The following GPSM1 variants were observed in gnomAD, a reference collection of about 807,000 sequenced individuals.
The protein encoded by GPSM1 is G protein signaling modulator 1, also known as G protein-signaling modulator 1.
In GPSM1, 48 loss-of-function variants were observed where a neutral mutation model predicts 70.5. The ratio of observed to expected loss-of-function variants is 0.68; its 90% CI spans 0.54 to 0.87. The LOEUF is 0.87. Among genes scored for constraint, GPSM1 ranks in the 40% least tolerant of loss-of-function variants. The probability of loss-of-function intolerance (pLI) is 0.00; values close to 1 mark genes in which losing one functional copy is unlikely to be tolerated. For synonymous variants in GPSM1, 416 were observed against 430.1 expected, an observed-to-expected ratio of 0.97 and a Z score of 0.41; for missense variants, 981 against 972.6, an observed-to-expected ratio of 1.01 and a Z score of -0.11.
At chr9:136,345,627 C>T (rs147765623) in intron 9 of GPSM1, among the ~76,000 whole-genome samples, 2 of 152,162 alleles carry the variant, frequency 1.3e-5, no homozygotes, top group African/African-American at 4.8e-5. Context: ...CCGGAGGATG[C>T]GGTGGGGAAA....
At chr9:136,354,539 C>T (rs990427551) in intron 11 of GPSM1, among the ~76,000 whole-genome samples, 24 of 152,250 alleles carry the variant, frequency 1.6e-4, no homozygotes, top group African/African-American at 3.9e-4. Context: ...GGCCACCAGC[C>T]GTGAGATGGA....
At chr9:136,330,637 C>A (rs1832078241) in intron 1 of GPSM1, among the ~76,000 whole-genome samples, 1 of 152,178 alleles carries the variant, frequency 6.6e-6, no homozygotes, top group South Asian at 2.1e-4. Flanking sequence ...GCAGATAGAG[C>A]CAGCTGTGAG....
At chr9:136,328,279 T>C (rs1255797733) in intron 1 of GPSM1, among the ~76,000 whole-genome samples, 4 of 152,212 alleles carry the variant, frequency 2.6e-5, no homozygotes, top group African/African-American at 9.6e-5. Context: ...GTGACTGGGC[T>C]CTGTGCCCCA....
In GPSM1 at chr9:136,344,154, G is replaced by A. The variant is rs1261235769; in HGVS notation, c.1207+3161G>A. ...AGGTGCGGACAGGAACGGGGGAGGT[G>A]CGGACAGGATCGGGGGGAGGCGCGG... On this transcript the variant is annotated intron_variant, in intron 9 of 13. Coordinates refer to ENST00000440944, the MANE Select transcript of GPSM1 (RefSeq NM_001145638.3). Among the ~76,000 whole-genome samples, 5 of 148,140 alleles carry A rather than the reference G, an allele frequency of 3.4e-5. No individual in the cohort carries two copies. The East Asian group carries it at 1.0e-3, about 30-fold the overall frequency.
rs138559283 is a variant in GPSM1 at position 136,332,617 on chromosome 9, G to A, written c.69-1830G>A. On this transcript the variant is annotated intron_variant, in intron 1 of 13. Coordinates refer to ENST00000440944, the MANE Select transcript of GPSM1 (RefSeq NM_001145638.3). Reference sequence around the variant, plus strand: ...GGGCCTTAATCAGGAAGCCCCGTGCGTGGCGCTGGCTGCAGGATGGGGCTT... The same window carrying A: ...GGGCCTTAATCAGGAAGCCCCGTGCATGGCGCTGGCTGCAGGATGGGGCTT... Among the ~76,000 whole-genome samples the A allele has an allele frequency of 5.1e-3, 770 of 152,298 alleles. 4 individuals carry two copies. The highest frequency in any genetic ancestry group is 0.017 in the African/African-American group (713 of 41,560).
At chr9:136,334,322 G>C (rs572870179) in intron 1 of GPSM1, 125 bp from the exon 2 acceptor site, 2 of 668,954 alleles carry the variant, frequency 3.0e-6, no homozygotes, top group Non-Finnish European at 5.1e-6. Flanking sequence ...TTAGGTCTGT[G>C]AGCACAGATG....
At position 136,350,183 on chromosome 9, in the gene GPSM1, A is replaced by C. The variant is rs537467778; in HGVS notation, c.1455+420A>C. Among the ~76,000 whole-genome samples the C allele has an allele frequency of 2.0e-5, 3 of 152,318 alleles. No individual in the cohort carries two copies. The East Asian group carries it at 5.8e-4, about 29-fold the overall frequency. On this transcript the variant is annotated intron_variant, in intron 11 of 13. Coordinates refer to ENST00000440944, the MANE Select transcript of GPSM1 (RefSeq NM_001145638.3). ...TCCAGACCCATCCGCTAGTCACAGGAGCGTGTCCCTGAAAGGAACTGGCTG... is the reference window on the plus strand; with the variant it reads ...TCCAGACCCATCCGCTAGTCACAGGCGCGTGTCCCTGAAAGGAACTGGCTG...
intron 1 of GPSM1, chr9:136,332,206 G>A (rs1431633907): frequency 1.0e-5 from 4 of 399,034 alleles, no homozygotes; most frequent in Admixed American, 4.4e-5. Context: ...TCACGTGGGT[G>A]TGGGTGCCAG....
At chr9:136,338,777 C>T (rs957234787) in intron 7 of GPSM1, 67 bp downstream of exon 7, 8 of 1,455,374 alleles carry the variant, frequency 5.5e-6, no homozygotes, top group Admixed American at 2.1e-5. Context: ...GCGGCCCAGG[C>T]GAGGTGGCCT....
At chr9:136,356,270 C>T in intron 12 of GPSM1, 72 bp from the exon 13 acceptor site, 3 of 1,188,118 alleles carry the variant, frequency 2.5e-6, no homozygotes, top group Non-Finnish European at 3.5e-6. Context: ...TCAGAGCTCA[C>T]TGTGGCCGCA....
At position 136,358,903 on chromosome 9, in the gene GPSM1, T is replaced by C. The variant is rs1478786219; in HGVS notation, c.*683T>C. Reference sequence around the variant, plus strand: ...CAGAGGGAATGGCTGGGCATGAACTTCGACATTCCAAAACCCCAAGCCAGG... The same window carrying C: ...CAGAGGGAATGGCTGGGCATGAACTCCGACATTCCAAAACCCCAAGCCAGG... On this transcript the variant is annotated 3_prime_UTR_variant, in exon 14 of 14. Coordinates refer to ENST00000440944, the MANE Select transcript of GPSM1 (RefSeq NM_001145638.3). The C allele has an allele frequency of 6.6e-6, 1 of 152,394 alleles. No homozygotes were observed. The highest frequency in any genetic ancestry group is 6.5e-5 in the Admixed American group (1 of 15,286). 9.4% of individuals were successfully genotyped at this position (152,394 alleles called of 1,614,324 possible).
chr9:136,355,693 A>G lies in GPSM1; in HGVS notation c.1459A>G (p.Ile487Val). The G allele has an allele frequency of 6.2e-7, 1 of 1,611,958 alleles. No individual in the cohort carries two copies. Among genetic ancestry groups the G allele is most frequent in the Non-Finnish European group, 8.5e-7 (1 of 1,179,356 alleles). The part of the protein sequence containing the change: ...DVRVHVPRTS[I>V]PRAPSSDEEC... ...GGTGACCCCACTCCCTCCCCAGAGC[A>G]TCCCGAGGGCCCCGTCTTCGGACGA... Residue 487 changes from isoleucine (I) to valine (V), a missense_variant, in exon 12 of 14, where the codon ATC (isoleucine) becomes GTC (valine). Ile to Val is a conservative substitution (Grantham distance 29). Transcript: ENST00000440944.
Position 136,340,855 on chromosome 9 carries a change from C to T in GPSM1, c.1084-15C>T. The T allele has an allele frequency of 6.4e-7, 1 of 1,559,018 alleles. No individual in the cohort carries two copies. The highest frequency in any genetic ancestry group is 8.7e-7 in the Non-Finnish European group (1 of 1,155,238). Reference sequence around the variant, plus strand: ...CCAGCCACACCTGCCCGCTCCGCCACCCCACTCGCCGCAGATCGGGGACCG... The same window carrying T: ...CCAGCCACACCTGCCCGCTCCGCCATCCCACTCGCCGCAGATCGGGGACCG... On this transcript the variant is annotated splice_polypyrimidine_tract_variant and intron_variant, in intron 8 of 13. Transcript: ENST00000440944. This position sits in a 1 kb window ranked among gnomAD's most constrained non-coding sequence, Gnocchi z 7.3.
chr9:136,347,275 C>CA (rs1439887255), intron 9 of GPSM1, among the ~76,000 whole-genome samples: 3 of 152,180 alleles, frequency 2.0e-5, no homozygotes, highest in African/African-American at 7.2e-5. Context: ...ACTGGATTCT[C>CA]AGAGTGCCCA....
chr9:136,341,279 C>T lies in GPSM1; in HGVS notation c.1207+286C>T, dbSNP rs575561125. 2.7e-6 allele frequency: 4 copies of T among 1,469,820 alleles called. No individual in the cohort carries two copies. In the African/African-American group the frequency reaches 4.3e-5, roughly 16 times the overall value. The allele number at this position is 1,469,820 out of a possible 1,614,324, so 91.0% of individuals were successfully genotyped here. A position where few individuals can be genotyped will look rare whatever the true frequency, so the allele number is the denominator to read the frequency against. ...TGCTCCAGGGCCTCCACCCCCACCT[C>T]CCCCTGGAGCCCTCGGTGCAGGGAG... On this transcript the variant is annotated intron_variant, in intron 9 of 13. Transcript: ENST00000440944. The surrounding 1 kb of genome is among the most constrained non-coding windows in gnomAD (Gnocchi z 6.7).
chr9:136,338,518 C>T, intron 6 of GPSM1, 37 bp from the exon 7 acceptor site: 4 of 1,583,712 alleles, frequency 2.5e-6, no homozygotes, highest in Non-Finnish European at 3.4e-6. Context: ...CACCCTGGAG[C>T]CCTCCTCCTG....
chr9:136,355,829 C>A lies in GPSM1; in HGVS notation c.1595C>A (p.Thr532Asn), dbSNP rs139070555. ...GCTGCCGAGGCCACGGCCGCCCCCACCCTGGAGGACAGGATCGGTGAGTGC... is the reference window on the plus strand; with the variant it reads ...GCTGCCGAGGCCACGGCCGCCCCCAACCTGGAGGACAGGATCGGTGAGTGC... Reference protein sequence around the residue: ...AGAAEATAAPTLEDRIAQPSM... With the variant: ...AGAAEATAAPNLEDRIAQPSM... The change falls in exon 12 of 14, where the codon ACC becomes AAC. Residue 532 changes from threonine (T) to asparagine (N), a missense_variant. Coordinates refer to ENST00000440944, the MANE Select transcript of GPSM1 (RefSeq NM_001145638.3). 2.5e-6 allele frequency: 4 copies of A among 1,609,792 alleles called. No individual in the cohort carries two copies. In the African/African-American group the frequency reaches 4.0e-5, roughly 16 times the overall value.
chr9:136,356,809 AC>A (rs1464522929), intron 13 of GPSM1, among the ~76,000 whole-genome samples: 2 of 151,866 alleles, frequency 1.3e-5, no homozygotes, highest in African/African-American at 2.4e-5. Flanking sequence ...AGGCTGTGCC[AC>A]CCCCCTGCCA....
chr9:136,336,134 A>G, intron 3 of GPSM1, 33 bp downstream of exon 3: 1 of 1,598,054 alleles, frequency 6.3e-7, no homozygotes, highest in Non-Finnish European at 8.5e-7. Flanking sequence ...GGTGTCTCCC[A>G]CCCCTGCACC....
Sources: gnomAD v4.1 joint callset for allele counts (sites outside exome capture counted in the v4.1 genomes callset) on GRCh38, gnomAD v4.1.1 for gene constraint, Gnocchi (gnomAD v3.1) non-coding constraint, MANE v1.5 for transcripts, NCBI Gene and HGNC (gene_info 2026-07-23, HGNC 2026-07-21) for gene names.